PMM2: variants seen among roughly 807,000 people sequenced by gnomAD.
PMM2 encodes mannose-6-phosphate isomerase.
A neutral mutation model predicts 33.2 loss-of-function variants in PMM2; 35 were observed. That is an observed-to-expected ratio of 1.06 (90% CI 0.81 to 1.40). The LOEUF is 1.40. Ranked by LOEUF, PMM2 falls within the 40% of genes most tolerant of loss-of-function variation. The pLI is 0.00. For synonymous variants in PMM2, 153 were observed against 114.7 expected, an observed-to-expected ratio of 1.33 and a Z score of -2.13; for missense variants, 386 against 306.0, an observed-to-expected ratio of 1.26 and a Z score of -1.95.
chr16:8,814,682 C>G (rs964229144), intron 7 of PMM2, among the ~76,000 whole-genome samples: 1 of 152,192 alleles, frequency 6.6e-6, no homozygotes, highest in African/African-American at 2.4e-5. Context: ...AGAAGTCTAC[C>G]TGTTCTTTGT....
chr16:8,799,392 C>G (rs986624634), intron 1 of PMM2, among the ~76,000 whole-genome samples: 1 of 152,192 alleles, frequency 6.6e-6, no homozygotes, highest in Admixed American at 6.5e-5. Context: ...CTAACCTCCT[C>G]AGTTTCACAC....
chr16:8,838,082 G>C (rs1382357555), intron 7 of PMM2, among the ~76,000 whole-genome samples: 1 of 152,122 alleles, frequency 6.6e-6, no homozygotes, highest in East Asian at 1.9e-4. Context: ...TCAGCAAAGG[G>C]TGGTGGATTA....
chr16:8,825,230 A>C (rs1339309256), intron 7 of PMM2, among the ~76,000 whole-genome samples: 1 of 151,690 alleles, frequency 6.6e-6, no homozygotes, highest in African/African-American at 2.4e-5. Context: ...ACGGGGTTTC[A>C]CCATGTTAGC....
At position 8,804,821 on chromosome 16, in the gene PMM2, A is replaced by T; in HGVS notation, c.233A>T (p.Asp78Val). ...GAAAATGGCTTGGTAGCATACAAAG[A>T]TGGGAAACTCTTGTGTAGACAGGTA... ...FPENGLVAYKDGKLLCRQNIQ... is the reference protein window; with the variant it reads ...FPENGLVAYKVGKLLCRQNIQ... Residue 78 changes from aspartate (D) to valine (V), a missense_variant, in exon 3 of 8, where the codon GAT becomes GTT. Transcript: ENST00000268261. 1 of 1,611,058 alleles carries T rather than the reference A, an allele frequency of 6.2e-7. No homozygotes were observed.
At chr16:8,815,618 G>T (rs1246064215) in intron 7 of PMM2, among the ~76,000 whole-genome samples, 1 of 152,160 alleles carries the variant, frequency 6.6e-6, no homozygotes, top group Admixed American at 6.5e-5. Context: ...TAATGCTTCA[G>T]TGAACACGGG....
chr16:8,812,075 C>T (rs983116414), intron 6 of PMM2, among the ~76,000 whole-genome samples: 4 of 152,140 alleles, frequency 2.6e-5, no homozygotes, highest in Non-Finnish European at 5.9e-5. Flanking sequence ...ATAAGGGAGA[C>T]ATGGAATTGA....
At chr16:8,821,596 G>A (rs941611587) in intron 7 of PMM2, among the ~76,000 whole-genome samples, 13 of 152,216 alleles carry the variant, frequency 8.5e-5, no homozygotes, top group South Asian at 6.2e-4. Flanking sequence ...GCCCAGATCC[G>A]TCACAGAGCT....
chr16:8,799,553 CTT>C (rs763337975), intron 1 of PMM2, among the ~76,000 whole-genome samples: 4 of 99,954 alleles, frequency 4.0e-5, no homozygotes, highest in Admixed American at 9.8e-5. Context: ...AGTTCTGACT[CTT>C]TTTTTTTTTT....
At chr16:8,819,456 G>C (rs1880576579) in intron 7 of PMM2, among the ~76,000 whole-genome samples, 1 of 152,194 alleles carries the variant, frequency 6.6e-6, no homozygotes, top group African/African-American at 2.4e-5. Context: ...GGACAGGAGA[G>C]AGAATTGCCA....
intron 7 of PMM2, among the ~76,000 whole-genome samples, chr16:8,845,163 T>C (rs148925533): frequency 0.024 from 3,580 of 152,258 alleles, 136 homozygotes; most frequent in African/African-American, 0.081. Flanking sequence ...TTAGTTCTTA[T>C]GGGTTTTGGG....
At chr16:8,826,008 C>A (rs1260413711) in intron 7 of PMM2, among the ~76,000 whole-genome samples, 1 of 152,140 alleles carries the variant, frequency 6.6e-6, no homozygotes, top group Non-Finnish European at 1.5e-5. Context: ...CCTGCGTCGG[C>A]CTTCCAAAGT....
chr16:8,847,909 G>T lies in PMM2; in HGVS notation c.*84G>T. 1 of 1,025,664 alleles carries T rather than the reference G, an allele frequency of 9.7e-7. No homozygotes were observed. The highest frequency in any genetic ancestry group is 1.5e-6 in the Non-Finnish European group (1 of 665,012). 63.5% of individuals were successfully genotyped at this position (1,025,664 alleles called of 1,614,324 possible). A position where few individuals can be genotyped will look rare whatever the true frequency, so the allele number is the denominator to read the frequency against. ...CAGAGCCGAGGGTCCTCCCACACGT[G>T]CTCACCCACCCGCAGCCTAGGCAGG... On this transcript the variant is annotated 3_prime_UTR_variant, in exon 8 of 8. Transcript: ENST00000268261.
At chr16:8,823,552 A>C (rs1268769137) in intron 7 of PMM2, among the ~76,000 whole-genome samples, 1 of 151,344 alleles carries the variant, frequency 6.6e-6, no homozygotes, top group Non-Finnish European at 1.5e-5. Flanking sequence ...TGGCCTGATT[A>C]TTTGTATAAA....
chr16:8,823,651 T>TAA (rs2060750484), intron 7 of PMM2, among the ~76,000 whole-genome samples: 1 of 152,194 alleles, frequency 6.6e-6, no homozygotes, highest in African/African-American at 2.4e-5. Context: ...CAGGTTAGAC[T>TAA]TTTTTAAAGC....
chr16:8,823,009 C>T (rs561414389), intron 7 of PMM2, among the ~76,000 whole-genome samples: 8 of 151,656 alleles, frequency 5.3e-5, no homozygotes, highest in Non-Finnish European at 1.2e-4. Context: ...AGATTTGGGT[C>T]AGAGGTTGTT....
In PMM2 at chr16:8,849,175, C is replaced by G. The variant is rs1338337995; in HGVS notation, c.*1350C>G. 1.3e-5 allele frequency: 2 copies of G among 151,636 alleles called. No homozygotes were observed. Among genetic ancestry groups the G allele is most frequent in the Admixed American group, 6.6e-5 (1 of 15,258 alleles). The allele number at this position is 151,636 out of a possible 1,614,324, so 9.4% of individuals were successfully genotyped here. On this transcript the variant is annotated 3_prime_UTR_variant, in exon 8 of 8. Transcript: ENST00000268261. ...ACCTCCCAGCCACTCGGGCTTGTAA[C>G]TGTCTGAGCCCCGGATCCGGTGGGG... is the stretch of plus-strand genomic sequence containing the variant.
At chr16:8,803,082 A>G (rs534033482) in intron 2 of PMM2, among the ~76,000 whole-genome samples, 17 of 152,300 alleles carry the variant, frequency 1.1e-4, no homozygotes, top group African/African-American at 3.1e-4. Flanking sequence ...ACATACGGCT[A>G]TGACTACCAG....
At position 8,847,991 on chromosome 16, in the gene PMM2, C is replaced by G. The variant is rs115474235; in HGVS notation, c.*166C>G. 3.2e-3 allele frequency: 1,997 copies of G among 624,060 alleles called. 48 individuals are homozygous for G. In the African/African-American group the frequency reaches 0.032, roughly 10 times the overall value. 38.7% of individuals were successfully genotyped at this position (624,060 alleles called of 1,614,324 possible). A position where few individuals can be genotyped will look rare whatever the true frequency, so the allele number is the denominator to read the frequency against. On this transcript the variant is annotated 3_prime_UTR_variant, in exon 8 of 8. Coordinates refer to ENST00000268261, the MANE Select transcript of PMM2 (RefSeq NM_000303.3). Reference sequence around the variant, plus strand: ...GGACTTCCACCTCCAGTGCCAGAAACTTCCAGAAGGAAGGAGAAAACTCTT... The same window carrying G: ...GGACTTCCACCTCCAGTGCCAGAAAGTTCCAGAAGGAAGGAGAAAACTCTT...
chr16:8,800,793 C>T, intron 1 of PMM2, among the ~76,000 whole-genome samples: 1 of 152,086 alleles, frequency 6.6e-6, no homozygotes, highest in Non-Finnish European at 1.5e-5. Flanking sequence ...AAGTGATTCT[C>T]CTGCCTCAGC....
Sources: gnomAD v4.1 joint callset for allele counts (sites outside exome capture counted in the v4.1 genomes callset) on GRCh38, gnomAD v4.1.1 for gene constraint, MANE v1.5 for transcripts, NCBI Gene and HGNC (gene_info 2026-07-23, HGNC 2026-07-21) for gene names.